RHOBTB1: variants seen among roughly 807,000 people sequenced by gnomAD.
RHOBTB1 encodes rho-related BTB domain-containing protein 1.
Under a neutral mutation model 71.6 loss-of-function variants are expected in RHOBTB1, and 40 were observed. The ratio of observed to expected loss-of-function variants is 0.56; its 90% confidence interval spans 0.43 to 0.73. RHOBTB1 has a LOEUF of 0.73. Among genes scored for constraint, RHOBTB1 ranks in the 30% least tolerant of loss-of-function variants. The pLI, the probability that RHOBTB1 is intolerant of heterozygous loss-of-function variation, is 0.00. For missense variants in RHOBTB1, 797 were observed against 894.0 expected (o/e 0.89, Z 1.38); for synonymous variants, 319 against 334.9 (o/e 0.95, Z 0.52).
intron 2 of RHOBTB1, among the ~76,000 whole-genome samples, chr10:60,970,257 A>C (rs946343576): frequency 6.6e-6 from 1 of 152,098 alleles, no homozygotes; most frequent in Non-Finnish European, 1.5e-5. Context: ...TATATTAAAA[A>C]TGTTTCCTAA....
chr10:60,874,462 T>C (rs768854645), intron 9 of RHOBTB1, among the ~76,000 whole-genome samples: 42 of 152,342 alleles, frequency 2.8e-4, no homozygotes, highest in Admixed American at 3.9e-4. Flanking sequence ...TAAAGCTGAA[T>C]CTTGGACCTT....
intron 6 of RHOBTB1, among the ~76,000 whole-genome samples, chr10:60,886,718 G>C (rs10082527): frequency 0.1 from 9,374 of 89,644 alleles, 441 homozygotes; most frequent in East Asian, 0.21. Context: ...TAAGAGATGT[G>C]GGGGGGGGTG....
Position 61,001,244 on chromosome 10 carries a change from G to T in RHOBTB1, c.-163+155C>A, listed in dbSNP as rs191876629. Among the ~76,000 whole-genome samples, 534 of 152,222 alleles carry T rather than the reference G, an allele frequency of 3.5e-3. 2 individuals are homozygous for T. Among genetic ancestry groups the T allele is most frequent in the Non-Finnish European group, 5.6e-3 (378 of 67,988 alleles). On this transcript the variant is annotated intron_variant, in intron 1 of 11. Transcript: ENST00000357917. ...GTAACCAGGTCACCCTCCTTTCAAG[G>T]GTGCAAAGGGATGCTCCAAGCTCTC...
intron 1 of RHOBTB1, among the ~76,000 whole-genome samples, chr10:60,995,011 G>A (rs918640428): frequency 1.3e-5 from 2 of 151,756 alleles, no homozygotes; most frequent in Admixed American, 6.6e-5. Flanking sequence ...GAGTAACATT[G>A]TACTCCATGG....
intron 2 of RHOBTB1, among the ~76,000 whole-genome samples, chr10:60,922,243 G>A (rs1463866981): frequency 7.9e-5 from 12 of 152,114 alleles, no homozygotes. Flanking sequence ...TATGGATAAT[G>A]ATTTATAACT....
rs766897302 is a variant in RHOBTB1, at chr10:60,869,784, A to G, written c.*1698T>C. On this transcript the variant is annotated 3_prime_UTR_variant, in exon 11 of 11. Transcript: ENST00000337910. ...AAGATTTACAAGCCTATTGAAAATA[A>G]TTAAGATGGATGCATTTGTAACTAT... The G allele has an allele frequency of 4.6e-5, 7 of 152,526 alleles. No individual in the cohort carries two copies. The highest frequency in any genetic ancestry group is 7.3e-5 in the Non-Finnish European group (5 of 68,030). 9.4% of individuals were successfully genotyped at this position (152,526 alleles called of 1,614,324 possible). A position where few individuals can be genotyped will look rare whatever the true frequency, so the allele number is the denominator to read the frequency against.
intron 4 of RHOBTB1, among the ~76,000 whole-genome samples, chr10:60,902,864 T>C (rs1381011875): frequency 6.6e-6 from 1 of 152,194 alleles, no homozygotes; most frequent in Non-Finnish European, 1.5e-5. Context: ...CATGAGAGAT[T>C]TGTCAACTCG....
chr10:60,943,705 T>G (rs2134262993), intron 1 of RHOBTB1, among the ~76,000 whole-genome samples: 1 of 152,262 alleles, frequency 6.6e-6, no homozygotes, highest in South Asian at 2.1e-4. Flanking sequence ...GTACATTTTC[T>G]CAGCTCCAAG....
rs1331644987 is a variant in RHOBTB1, at chr10:60,925,095, G to A, written c.-10-13543C>T. Among the ~76,000 whole-genome samples, 6 of 152,054 alleles carry A rather than the reference G, an allele frequency of 3.9e-5. No homozygotes were observed. In the East Asian group the frequency reaches 1.2e-3, roughly 29 times the overall value. On this transcript the variant is annotated intron_variant, in intron 2 of 10. Transcript: ENST00000337910. Reference sequence around the variant, plus strand: ...CTGTGTGGCTCCTTCCCTACCCCATGCTCTCTCTCCCTATTGCTCCTCCTC... The same window carrying A: ...CTGTGTGGCTCCTTCCCTACCCCATACTCTCTCTCCCTATTGCTCCTCCTC...
chr10:60,965,904 A>G (rs1333679005), intron 2 of RHOBTB1, among the ~76,000 whole-genome samples: 2 of 152,106 alleles, frequency 1.3e-5, no homozygotes, highest in Non-Finnish European at 2.9e-5. Flanking sequence ...TAAAGGGAGG[A>G]ACTGATATTT....
chr10:60,916,612 C>T (rs754047191), intron 2 of RHOBTB1, among the ~76,000 whole-genome samples: 2 of 152,196 alleles, frequency 1.3e-5, no homozygotes, highest in African/African-American at 2.4e-5. Flanking sequence ...AATGGATGAT[C>T]TTTTCCACCT....
chr10:60,893,066 C>T, intron 4 of RHOBTB1, 71 bp from the exon 5 acceptor site: 1 of 1,149,638 alleles, frequency 8.7e-7, no homozygotes, highest in Non-Finnish European at 1.3e-6. Context: ...TATGGTTCCT[C>T]TCAAACCCCA....
At chr10:60,880,202 T>TGAGAGAGAGAGAGAGAGAGAGAGA (rs71018931) in intron 7 of RHOBTB1, among the ~76,000 whole-genome samples, 7 of 127,012 alleles carry the variant, frequency 5.5e-5, no homozygotes, top group South Asian at 2.8e-4. Context: ...TGTGTGTGTG[T>TGAGAGAGAGAGAGAGAGAGAGAGA]GAGAGAGAGA....
chr10:60,930,256 C>T (rs763097462), intron 2 of RHOBTB1, among the ~76,000 whole-genome samples: 6 of 152,156 alleles, frequency 3.9e-5, no homozygotes, highest in East Asian at 1.9e-4. Context: ...ATTAATCTGT[C>T]GGAGCCTCTA....
intron 2 of RHOBTB1, among the ~76,000 whole-genome samples, chr10:60,939,932 T>C (rs1323493726): frequency 6.6e-6 from 1 of 152,236 alleles, no homozygotes; most frequent in Non-Finnish European, 1.5e-5. Flanking sequence ...TAACATTATA[T>C]GATTCAAAGT....
At position 60,932,165 on chromosome 10, in the gene RHOBTB1, C is replaced by T. The variant is rs898536741; in HGVS notation, c.-11+9639G>A. ...CATAAATATTGATGTACACTCAGTG[C>T]CCAAATTTAACATTGTAATCTTTAC... On this transcript the variant is annotated intron_variant, in intron 2 of 10. Transcript: ENST00000337910. 2.0e-5 allele frequency among the ~76,000 whole-genome samples: 3 copies of T among 152,126 alleles called. No homozygotes were observed. The South Asian group carries it at 6.2e-4, about 32-fold the overall frequency.
At chr10:60,974,627 C>A (rs1162578141) in intron 2 of RHOBTB1, among the ~76,000 whole-genome samples, 1 of 151,962 alleles carries the variant, frequency 6.6e-6, no homozygotes, top group African/African-American at 2.4e-5. Context: ...CCAATATGAT[C>A]AGTGTTTATT....
At chr10:60,971,143 C>A (rs968195871) in intron 2 of RHOBTB1, among the ~76,000 whole-genome samples, 1 of 151,954 alleles carries the variant, frequency 6.6e-6, no homozygotes, top group Non-Finnish European at 1.5e-5. Flanking sequence ...CCATCTGATA[C>A]ATGAGGTCTA....
chr10:60,970,705 A>G (rs1231012873), intron 2 of RHOBTB1, among the ~76,000 whole-genome samples: 1 of 152,082 alleles, frequency 6.6e-6, no homozygotes, highest in African/African-American at 2.4e-5. Context: ...TGGTCAGAAA[A>G]GAGCTTACAT....
Sources: gnomAD v4.1 joint callset for allele counts (sites outside exome capture counted in the v4.1 genomes callset) on GRCh38, gnomAD v4.1.1 for gene constraint, MANE v1.5 for transcripts, NCBI Gene and HGNC (gene_info 2026-07-23, HGNC 2026-07-21) for gene names.